Variants in TMEM245 observed in about 807,000 individuals in gnomAD.
The protein encoded by TMEM245 is transmembrane protein 245.
TMEM245 carries 69 observed loss-of-function variants against 101.2 expected under a neutral mutation model. The observed-to-expected ratio is 0.68, with a 90% CI of 0.56 to 0.83. TMEM245 has a LOEUF of 0.83. TMEM245 is among the 40% of genes least tolerant of loss of function. The pLI is 0.00. For missense variants in TMEM245, 1,075 were observed against 1,092.8 expected (o/e 0.98, Z 0.23); for synonymous variants, 537 against 449.8 (o/e 1.19, Z -2.45).
At chr9:109,119,213 CG>C (rs1830820763) in intron 1 of TMEM245, 121 bp downstream of exon 1, 2 of 889,112 alleles carry the variant, frequency 2.2e-6, no homozygotes, top group Admixed American at 3.8e-5. Context: ...CGGAGACGGA[CG>C]GTCACTGCAG....
At position 109,015,669 on chromosome 9, in the gene TMEM245, G is replaced by C. The variant is rs1827419615; in HGVS notation, c.*4791C>G. On this transcript the variant is annotated 3_prime_UTR_variant, in exon 18 of 18. Transcript: ENST00000374586. The stretch of plus-strand genomic sequence containing the variant: ...GTCAGAAGTTCTGCAACTAAATTCT[G>C]GCTCCATCATTTTGTGGTATAAACT... The C allele has an allele frequency of 6.6e-6, 1 of 152,552 alleles. No individual in the cohort carries two copies. The highest frequency in any genetic ancestry group is 1.5e-5 in the Non-Finnish European group (1 of 68,032). The allele number at this position is 152,552 out of a possible 1,614,324, so 9.4% of individuals were successfully genotyped here. A position where few individuals can be genotyped will look rare whatever the true frequency, so the allele number is the denominator to read the frequency against.
At chr9:109,085,929 G>T in intron 7 of TMEM245, 68 bp downstream of exon 7, 1 of 1,532,124 alleles carries the variant, frequency 6.5e-7, no homozygotes, top group Non-Finnish European at 9.0e-7. Context: ...GAAACATAGA[G>T]TGAAAAAGGC....
intron 9 of TMEM245, among the ~76,000 whole-genome samples, chr9:109,068,211 C>CA (rs919333656): frequency 4.0e-5 from 6 of 150,318 alleles, no homozygotes; most frequent in African/African-American, 1.2e-4. Context: ...ACTAAAAATA[C>CA]AAAAAAAAAT....
At chr9:109,043,022 T>C (rs1350775320) in intron 14 of TMEM245, among the ~76,000 whole-genome samples, 1 of 151,984 alleles carries the variant, frequency 6.6e-6, no homozygotes, top group Non-Finnish European at 1.5e-5. Flanking sequence ...CCAACCACTG[T>C]TATGTGCTGT....
At chr9:109,056,162 C>T (rs1168716820) in intron 12 of TMEM245, among the ~76,000 whole-genome samples, 1 of 151,984 alleles carries the variant, frequency 6.6e-6, no homozygotes, top group Non-Finnish European at 1.5e-5. Flanking sequence ...GGTAAATACC[C>T]AGGGAAAGCT....
At chr9:109,085,876 A>T (rs993299172) in intron 7 of TMEM245, 121 bp downstream of exon 7, 1 of 1,082,876 alleles carries the variant, frequency 9.2e-7, no homozygotes, top group Non-Finnish European at 1.4e-6. Flanking sequence ...CATAGCTTAT[A>T]ATTAAAACTT....
At chr9:109,066,452 C>CA (rs386415818) in intron 9 of TMEM245, among the ~76,000 whole-genome samples, 11,689 of 52,302 alleles carry the variant, frequency 0.22, 2,419 homozygotes, top group South Asian at 0.32. Context: ...AAGACTGTCT[C>CA]AAAAAAAAAA....
intron 16 of TMEM245, 165 bp downstream of exon 16, chr9:109,036,041 T>C: frequency 6.5e-6 from 3 of 459,798 alleles, no homozygotes; most frequent in Non-Finnish European, 3.6e-6. Context: ...AACAATACTA[T>C]TTTCAATGAA....
intron 1 of TMEM245, among the ~76,000 whole-genome samples, chr9:109,115,734 T>A (rs932850012): frequency 6.6e-6 from 1 of 151,998 alleles, no homozygotes; most frequent in Non-Finnish European, 1.5e-5. Context: ...TTCACCATGT[T>A]GGCCAGGCTG....
rs551634025 is a variant in TMEM245, at chr9:109,029,493, A to C, written c.2594+3814T>G. On this transcript the variant is annotated intron_variant, in intron 17 of 17. Coordinates refer to ENST00000374586, the MANE Select transcript of TMEM245 (RefSeq NM_032012.4). ...AAAACAATGAAGAAATAAATGTTAA[A>C]GAAAAAATTTCAAGCATAGAATTCT... 6.7e-4 allele frequency among the ~76,000 whole-genome samples: 102 copies of C among 152,354 alleles called. 3 individuals are homozygous for C. In the South Asian group the frequency reaches 0.02, roughly 31 times the overall value.
chr9:109,081,647 T>C (rs1354881879), intron 7 of TMEM245, among the ~76,000 whole-genome samples: 1 of 152,196 alleles, frequency 6.6e-6, no homozygotes, highest in Non-Finnish European at 1.5e-5. Flanking sequence ...CTTTACATCT[T>C]TTTATGTTTG....
intron 17 of TMEM245, among the ~76,000 whole-genome samples, chr9:109,025,371 G>C (rs570074963): frequency 2.0e-5 from 3 of 152,250 alleles, no homozygotes; most frequent in African/African-American, 4.8e-5. Flanking sequence ...GTGCCCAGCG[G>C]ATACTCATTT....
intron 11 of TMEM245, among the ~76,000 whole-genome samples, chr9:109,058,844 G>C (rs573970598): frequency 6.6e-6 from 1 of 152,188 alleles, no homozygotes; most frequent in African/African-American, 2.4e-5. Context: ...AGCCTCATGT[G>C]ATCCTCCCAC....
At position 109,033,473 on chromosome 9, in the gene TMEM245, C is replaced by A. The variant is rs777063004; in HGVS notation, c.2428G>T (p.Ala810Ser). Reference sequence around the variant, plus strand: ...AGGTAGTATGCTCCACCGGCCACTGCCAAGCCTGTCAGGTAAGGATGGCCA... The same window carrying A: ...AGGTAGTATGCTCCACCGGCCACTGACAAGCCTGTCAGGTAAGGATGGCCA... Reference protein sequence around the residue: ...GGGHPYLTGLAVAGGAYYLGL... With the variant: ...GGGHPYLTGLSVAGGAYYLGL... Residue 810 changes from alanine to serine, a missense_variant, in exon 17 of 18, where the codon GCA becomes TCA. Around this residue, in one of 2 missense-constraint regions of TMEM245, gnomAD observed 267 missense variants for 351.3 expected, o/e 0.76. Transcript: ENST00000374586. 1.9e-6 allele frequency: 3 copies of A among 1,607,168 alleles called. No individual in the cohort carries two copies. The South Asian group carries it at 3.3e-5, about 18-fold the overall frequency.
intron 14 of TMEM245, chr9:109,046,297 C>T: frequency 1.9e-6 from 1 of 534,106 alleles, no homozygotes; most frequent in Non-Finnish European, 3.8e-6. Flanking sequence ...TGCAATATCT[C>T]CACCAGAGCA....
intron 16 of TMEM245, among the ~76,000 whole-genome samples, chr9:109,034,108 G>A (rs75071448): frequency 1.7e-3 from 262 of 152,204 alleles, no homozygotes; most frequent in African/African-American, 5.9e-3. Context: ...TTATGTAAGC[G>A]GAATGAAATA....
intron 5 of TMEM245, among the ~76,000 whole-genome samples, chr9:109,087,849 T>C (rs1163583858): frequency 2.0e-5 from 3 of 152,224 alleles, no homozygotes; most frequent in Admixed American, 2.0e-4. Context: ...AGTAATGTTG[T>C]TCCTATTTCC....
In TMEM245 at chr9:109,119,415, T is replaced by C. The variant is rs1830830520; in HGVS notation, c.499A>G (p.Ser167Gly). The change falls in exon 1 of 18, where the codon AGC (serine) becomes GGC (glycine). Residue 167 changes from serine to glycine, a missense_variant. By Grantham distance (56) the Ser-to-Gly change is moderately conservative (BLOSUM62 0). Transcript: ENST00000374586. The stretch of plus-strand genomic sequence containing the variant: ...AGCAGCACCTGCACGCCCAAGTAGC[T>C]GCCGAGGCAGTAGAGGCCGTACAGG... The part of the protein sequence containing the change: ...PLLYGLYCLG[S>G]YLGVQVLLVH... The C allele has an allele frequency of 6.5e-7, 1 of 1,526,740 alleles. No individual in the cohort carries two copies. The highest frequency in any genetic ancestry group is 8.8e-7 in the Non-Finnish European group (1 of 1,141,620). 94.6% of individuals were successfully genotyped at this position (1,526,740 alleles called of 1,614,324 possible). A position where few individuals can be genotyped will look rare whatever the true frequency, so the allele number is the denominator to read the frequency against.
At chr9:109,023,693 G>A (rs756929531) in intron 17 of TMEM245, among the ~76,000 whole-genome samples, 7 of 152,012 alleles carry the variant, frequency 4.6e-5, no homozygotes, top group South Asian at 2.1e-4. Flanking sequence ...AAAATTAGCC[G>A]GGCGTGGTCG....
Sources: gnomAD v4.1 joint callset for allele counts (sites outside exome capture counted in the v4.1 genomes callset) on GRCh38, gnomAD v4.1.1 for gene constraint, gnomAD v4.1.1 regional missense constraint, MANE v1.5 for transcripts, NCBI Gene and HGNC (gene_info 2026-07-23, HGNC 2026-07-21) for gene names.